NXPE2: variants seen among roughly 807,000 people sequenced by gnomAD.
NXPE2 encodes NXPE family member 2.
In NXPE2, 34 loss-of-function variants were observed where a neutral mutation model predicts 34.4. The observed-to-expected ratio is 0.99, with a 90% CI of 0.75 to 1.31. NXPE2 has a LOEUF of 1.31. NXPE2 is among the 40% of genes most tolerant of loss of function. The pLI, the probability that NXPE2 is intolerant of heterozygous loss-of-function variation, is 0.00. For missense variants in NXPE2, 649 were observed against 672.5 expected, an observed-to-expected ratio of 0.97 and a Z score of 0.39; for synonymous variants, 235 against 231.3, an observed-to-expected ratio of 1.02 and a Z score of -0.15.
chr11:114,755,655 T>G, the NXPE2 span, among the ~76,000 whole-genome samples: 1 of 151,626 alleles, frequency 6.6e-6, no homozygotes, highest in African/African-American at 2.4e-5. Context: ...TATTAATCTG[T>G]CTATCCATCC....
chr11:114,523,585 G>T, the NXPE2 span, among the ~76,000 whole-genome samples: 2 of 152,158 alleles, frequency 1.3e-5, no homozygotes, highest in African/African-American at 4.8e-5. Context: ...CACCTAGCTT[G>T]ACAATTTTTT....
the NXPE2 span, among the ~76,000 whole-genome samples, chr11:114,666,306 G>A: frequency 6.6e-6 from 1 of 152,082 alleles, no homozygotes; most frequent in Non-Finnish European, 1.5e-5. Flanking sequence ...TTGCTAGCCT[G>A]AGGCCAGTTC....
At chr11:114,638,571 C>A in the NXPE2 span, among the ~76,000 whole-genome samples, 2 of 151,818 alleles carry the variant, frequency 1.3e-5, no homozygotes, top group Non-Finnish European at 2.9e-5. Context: ...TTTTTCTGCT[C>A]TGTTTTTTCC....
the NXPE2 span, among the ~76,000 whole-genome samples, chr11:114,726,276 G>T: frequency 2.6e-5 from 4 of 151,886 alleles, no homozygotes; most frequent in Admixed American, 1.3e-4. Context: ...GTCTTTCCTG[G>T]CTGCTTTCAA....
the NXPE2 span, among the ~76,000 whole-genome samples, chr11:114,555,964 A>G: frequency 4.6e-5 from 7 of 152,212 alleles, no homozygotes. Context: ...GCTGCTCTGA[A>G]TATTCATATA....
At chr11:114,668,789 G>A in the NXPE2 span, among the ~76,000 whole-genome samples, 1 of 152,020 alleles carries the variant, frequency 6.6e-6, no homozygotes, top group Non-Finnish European at 1.5e-5. Context: ...TTTTTGGAAT[G>A]GTGAAATAAG....
At chr11:114,775,879 C>T in the NXPE2 span, among the ~76,000 whole-genome samples, 2 of 90,672 alleles carry the variant, frequency 2.2e-5, no homozygotes, top group East Asian at 2.5e-4. Flanking sequence ...AACAAAAAAA[C>T]GAAAAAAAAA....
chr11:114,528,278 TCA>T, the NXPE2 span, among the ~76,000 whole-genome samples: 1 of 152,188 alleles, frequency 6.6e-6, no homozygotes, highest in African/African-American at 2.4e-5. Flanking sequence ...CATGCAAGTC[TCA>T]GTTTTATCCC....
chr11:114,623,179 A>T, the NXPE2 span, among the ~76,000 whole-genome samples: 1 of 151,798 alleles, frequency 6.6e-6, no homozygotes, highest in Non-Finnish European at 1.5e-5. Flanking sequence ...GATAATAATT[A>T]TTGCCTCTAG....
chr11:114,524,850 G>A, the NXPE2 span, among the ~76,000 whole-genome samples: 1 of 152,112 alleles, frequency 6.6e-6, no homozygotes, highest in Non-Finnish European at 1.5e-5. Context: ...ATAAGCTTGA[G>A]CATTTTGAAC....
chr11:114,595,738 C>A, the NXPE2 span: 1 of 152,286 alleles, frequency 6.6e-6, no homozygotes, highest in Non-Finnish European at 1.5e-5. Flanking sequence ...GTTTGTTTAC[C>A]TTTAGCATGG....
the NXPE2 span, among the ~76,000 whole-genome samples, chr11:114,569,282 C>G: frequency 6.6e-6 from 1 of 152,154 alleles, no homozygotes; most frequent in Admixed American, 6.5e-5. Context: ...ATATCCAACA[C>G]TCTTTTTTGA....
chr11:114,651,247 C>T, the NXPE2 span, among the ~76,000 whole-genome samples: 4 of 151,946 alleles, frequency 2.6e-5, no homozygotes, highest in Admixed American at 2.6e-4. Flanking sequence ...TTCAGATGTT[C>T]AGATGTGTCC....
At chr11:114,506,863 G>A in the NXPE2 span, among the ~76,000 whole-genome samples, 1 of 151,856 alleles carries the variant, frequency 6.6e-6, no homozygotes, top group East Asian at 1.9e-4. Context: ...GCTAGCAGAA[G>A]GCAAGAAATA....
chr11:114,779,620 C>T, the NXPE2 span, among the ~76,000 whole-genome samples: 1 of 152,066 alleles, frequency 6.6e-6, no homozygotes, highest in Non-Finnish European at 1.5e-5. Context: ...TGTTTGGGCT[C>T]AGAGGACCCC....
chr11:114,616,358 G>A, the NXPE2 span, among the ~76,000 whole-genome samples: 6 of 151,196 alleles, frequency 4.0e-5, no homozygotes, highest in East Asian at 2.0e-4. Flanking sequence ...GTTGCCTCAC[G>A]TGTAACCACT....
the NXPE2 span, among the ~76,000 whole-genome samples, chr11:114,714,197 G>A: frequency 6.6e-6 from 1 of 152,102 alleles, no homozygotes; most frequent in Non-Finnish European, 1.5e-5. Flanking sequence ...GCTTTGTGTT[G>A]TACCTTTTTT....
chr11:114,568,608 T>C, the NXPE2 span, among the ~76,000 whole-genome samples: 9 of 152,134 alleles, frequency 5.9e-5, no homozygotes, highest in South Asian at 2.1e-4. Context: ...CTCCTTGCCA[T>C]AGGTAATAAG....
chr11:114,707,007 C>T lies in NXPE2; in HGVS notation c.*77C>T, dbSNP rs568748310. On this transcript the variant is annotated 3_prime_UTR_variant, in exon 6 of 6. Transcript: ENST00000389586. ...TACAGCGAAGATAGTTTAATGCAAT[C>T]CAAGTTTTGAGGAAACTAAATTTGA... 6.7e-6 allele frequency: 8 copies of T among 1,190,480 alleles called. No homozygotes were observed. The African/African-American group carries it at 1.2e-4, about 18-fold the overall frequency. 73.7% of individuals were successfully genotyped at this position (1,190,480 alleles called of 1,614,324 possible). A position where few individuals can be genotyped will look rare whatever the true frequency, so the allele number is the denominator to read the frequency against.
Sources: gnomAD v4.1 joint callset for allele counts (sites outside exome capture counted in the v4.1 genomes callset) on GRCh38, gnomAD v4.1.1 for gene constraint, MANE v1.5 for transcripts, NCBI Gene and HGNC (gene_info 2026-07-23, HGNC 2026-07-21) for gene names.